The following VTI1A variants were observed in gnomAD, a reference collection of about 807,000 sequenced individuals.
The protein encoded by VTI1A is vesicle transport through interaction with t-SNAREs 1A.
VTI1A carries 22 observed loss-of-function variants against 34.9 expected under a neutral mutation model. The observed-to-expected ratio is 0.63, with a 90% confidence interval of 0.45 to 0.90. The LOEUF (loss-of-function observed/expected upper bound fraction) is 0.90, where lower values mean the gene tolerates loss of function less well. VTI1A is among the 40% of genes least tolerant of loss of function. The pLI is 0.00. For missense variants in VTI1A, 268 were observed against 275.6 expected (o/e 0.97, Z 0.20); for synonymous variants, 87 against 97.3 (o/e 0.89, Z 0.62).
chr10:112,735,487 C>T (rs948260541), intron 7 of VTI1A, among the ~76,000 whole-genome samples: 9 of 152,172 alleles, frequency 5.9e-5, no homozygotes, highest in African/African-American at 2.2e-4. Context: ...TACAAATTGG[C>T]AAGCTCTGAG....
intron 3 of VTI1A, among the ~76,000 whole-genome samples, chr10:112,470,153 C>T (rs143497138): frequency 1.3e-5 from 2 of 152,180 alleles, no homozygotes; most frequent in East Asian, 3.9e-4. Flanking sequence ...CCAATTACCC[C>T]ACCATGGCAG....
intron 7 of VTI1A, among the ~76,000 whole-genome samples, chr10:112,805,226 C>A (rs1183200337): frequency 6.6e-6 from 1 of 152,092 alleles, no homozygotes; most frequent in African/African-American, 2.4e-5. Flanking sequence ...CTATATCCAG[C>A]CTTCCTCCTG....
At chr10:112,540,149 A>G (rs1850810016) in intron 5 of VTI1A, among the ~76,000 whole-genome samples, 1 of 152,162 alleles carries the variant, frequency 6.6e-6, no homozygotes, top group Non-Finnish European at 1.5e-5. Flanking sequence ...CTTTCACTAA[A>G]CTATTCATAT....
intron 7 of VTI1A, among the ~76,000 whole-genome samples, chr10:112,713,232 T>C (rs1343195779): frequency 6.6e-6 from 1 of 152,234 alleles, no homozygotes; most frequent in Non-Finnish European, 1.5e-5. Context: ...ACTAGTATTC[T>C]CTTACAGAAC....
At chr10:112,744,281 C>T (rs769165911) in intron 7 of VTI1A, among the ~76,000 whole-genome samples, 20 of 152,112 alleles carry the variant, frequency 1.3e-4, no homozygotes, top group Non-Finnish European at 2.9e-4. Flanking sequence ...TCCAATTCAG[C>T]GTCCACTCTC....
chr10:112,815,673 T>A lies in VTI1A; in HGVS notation c.*290T>A. 1 of 437,464 alleles carries A rather than the reference T, an allele frequency of 2.3e-6. No individual in the cohort carries two copies. 27.1% of individuals were successfully genotyped at this position (437,464 alleles called of 1,614,324 possible). A position where few individuals can be genotyped will look rare whatever the true frequency, so the allele number is the denominator to read the frequency against. ...CATCAACTAGCCAAAATAGCCCCAG[T>A]GACACTCCTAGCCCTCTGGACGTGT... On this transcript the variant is annotated 3_prime_UTR_variant, in exon 8 of 8. Coordinates refer to ENST00000393077, the MANE Select transcript of VTI1A (RefSeq NM_145206.4).
intron 7 of VTI1A, among the ~76,000 whole-genome samples, chr10:112,749,858 T>A (rs1851038168): frequency 6.6e-6 from 1 of 152,188 alleles, no homozygotes; most frequent in Non-Finnish European, 1.5e-5. Context: ...ACATAAATGT[T>A]CATCATTTGG....
chr10:112,638,483 ATATT>A (rs1004125611), intron 5 of VTI1A, among the ~76,000 whole-genome samples: 5 of 152,198 alleles, frequency 3.3e-5, no homozygotes, highest in African/African-American at 1.2e-4. Flanking sequence ...AATCCCCTAA[ATATT>A]TATTTATCTT....
At chr10:112,770,562 AT>A (rs58004822) in intron 7 of VTI1A, among the ~76,000 whole-genome samples, 741 of 139,636 alleles carry the variant, frequency 5.3e-3, no homozygotes, top group African/African-American at 7.2e-3. Flanking sequence ...CGCCCGGCTA[AT>A]TTTTTTTTTT....
At chr10:112,588,959 C>T (rs1384012656) in intron 5 of VTI1A, among the ~76,000 whole-genome samples, 3 of 151,100 alleles carry the variant, frequency 2.0e-5, no homozygotes, top group Non-Finnish European at 4.4e-5. Context: ...CAGTCAAAAG[C>T]ATCGGTGTCA....
chr10:112,458,853 A>G (rs891221844), intron 1 of VTI1A, among the ~76,000 whole-genome samples: 4 of 151,898 alleles, frequency 2.6e-5, no homozygotes, highest in African/African-American at 9.7e-5. Context: ...TTTTTAGTAG[A>G]GACGGGGTTT....
At chr10:112,800,492 A>G (rs1318830649) in intron 7 of VTI1A, among the ~76,000 whole-genome samples, 6 of 152,240 alleles carry the variant, frequency 3.9e-5, no homozygotes, top group African/African-American at 1.4e-4. Context: ...GTATGATAGG[A>G]GTGGAGTAAT....
At chr10:112,515,580 T>A (rs1352325529) in intron 3 of VTI1A, among the ~76,000 whole-genome samples, 2 of 152,042 alleles carry the variant, frequency 1.3e-5, no homozygotes, top group African/African-American at 4.8e-5. Context: ...AATTATGGTC[T>A]CACTCCTCAA....
chr10:112,654,236 C>T (rs1464940438), intron 5 of VTI1A, among the ~76,000 whole-genome samples: 1 of 152,170 alleles, frequency 6.6e-6, no homozygotes, highest in Non-Finnish European at 1.5e-5. Flanking sequence ...CTTCATCTGA[C>T]ATTGACCAGC....
intron 7 of VTI1A, among the ~76,000 whole-genome samples, chr10:112,745,029 C>A (rs1850844044): frequency 6.6e-6 from 1 of 152,122 alleles, no homozygotes. Flanking sequence ...TTAAAGCAGG[C>A]AAATACTACA....
At chr10:112,487,326 A>G (rs1301539747) in intron 3 of VTI1A, among the ~76,000 whole-genome samples, 1 of 151,970 alleles carries the variant, frequency 6.6e-6, no homozygotes, top group Non-Finnish European at 1.5e-5. Flanking sequence ...GTTTCACCCC[A>G]TTGGGCAGGC....
chr10:112,647,908 T>TAA lies in VTI1A; in HGVS notation c.428-20309_428-20308insAA, dbSNP rs1328108183. On this transcript the variant is annotated intron_variant, in intron 5 of 7. Transcript: ENST00000393077. ...CCTTAGCCTCCTAAGTAGCTGGGAC[T>TAA]ACAAGCACATGCCACCGCACCCAGC... Among the ~76,000 whole-genome samples, 9 of 152,292 alleles carry TAA rather than the reference T, an allele frequency of 5.9e-5. No individual in the cohort carries two copies. In the East Asian group the frequency reaches 1.7e-3, roughly 29 times the overall value.
chr10:112,852,855 T>G, the VTI1A span, among the ~76,000 whole-genome samples: 1 of 152,182 alleles, frequency 6.6e-6, no homozygotes, highest in Admixed American at 6.5e-5. Context: ...CTCAGCTCAC[T>G]GCAACCTCCA....
At chr10:112,789,668 C>T (rs768498972) in intron 7 of VTI1A, among the ~76,000 whole-genome samples, 26 of 152,080 alleles carry the variant, frequency 1.7e-4, no homozygotes, top group Admixed American at 5.2e-4. Flanking sequence ...GACAGATTTT[C>T]GAGTTCATAA....
Sources: gnomAD v4.1 joint callset for allele counts (sites outside exome capture counted in the v4.1 genomes callset) on GRCh38, gnomAD v4.1.1 for gene constraint, MANE v1.5 for transcripts, NCBI Gene and HGNC (gene_info 2026-07-23, HGNC 2026-07-21) for gene names.